The following INTS1 variants were observed in gnomAD, a reference collection of about 807,000 sequenced individuals.
The protein encoded by INTS1 is integrator complex subunit 1.
A neutral mutation model predicts 241.6 loss-of-function variants in INTS1; 137 were observed. The ratio of observed to expected loss-of-function variants is 0.57; its 90% CI spans 0.49 to 0.65. The LOEUF is 0.65. Among genes scored for constraint, INTS1 ranks in the 30% least tolerant of loss-of-function variants. INTS1 has a pLI of 0.00. For synonymous variants in INTS1, 1,692 were observed against 1,337.8 expected (o/e 1.26, Z -5.78); for missense variants, 3,073 against 3,032.2 (o/e 1.01, Z -0.32).
chr7:1,492,624 C>T (rs1583142866), intron 16 of INTS1, among the ~76,000 whole-genome samples: 1 of 151,880 alleles, frequency 6.6e-6, no homozygotes, highest in Non-Finnish European at 1.5e-5. Context: ...AGCATAAACT[C>T]GTTGTGTAAA....
In INTS1 at chr7:1,502,916, C is replaced by G; in HGVS notation, c.334G>C (p.Val112Leu). The stretch of plus-strand genomic sequence containing the variant: ...GACTCATTACCTTCAATTGGCACCA[C>G]AGATGGCTCTTTAATCGACGGAGAA... Reference protein sequence around the residue: ...AISPSIKEPSVVPIEVLPTVL... With the variant: ...AISPSIKEPSLVPIEVLPTVL... The change falls in exon 3 of 48, where the codon GTG becomes CTG. Residue 112 changes from valine (V) to leucine (L), a missense_variant. Val to Leu is a conservative substitution (Grantham distance 32). Coordinates refer to ENST00000404767, the MANE Select transcript of INTS1 (RefSeq NM_001080453.3). 1.9e-6 allele frequency: 3 copies of G among 1,613,884 alleles called. No individual in the cohort carries two copies. The highest frequency in any genetic ancestry group is 2.5e-6 in the Non-Finnish European group (3 of 1,179,884).
At position 1,471,119 on chromosome 7, in the gene INTS1, G is replaced by T; in HGVS notation, c.6347+14C>A. 6.4e-7 allele frequency: 1 copy of T among 1,554,210 alleles called. No homozygotes were observed. Among genetic ancestry groups the T allele is most frequent in the Non-Finnish European group, 8.7e-7 (1 of 1,149,308 alleles). ...CAGCGGTGGCGGCGGGACAGAGGCC[G>T]GCGGTGGCCTCACCTGGGGCTGTTC... On this transcript the variant is annotated intron_variant, in intron 46 of 47. Coordinates refer to ENST00000404767, the MANE Select transcript of INTS1 (RefSeq NM_001080453.3).
intron 35 of INTS1, 99 bp downstream of exon 35, chr7:1,477,451 C>A: frequency 7.2e-7 from 1 of 1,379,872 alleles, no homozygotes; most frequent in Non-Finnish European, 9.6e-7. Context: ...GGTGCTGGGG[C>A]CCCTGCAAGG....
In INTS1 at chr7:1,504,224, GC is replaced by G. The variant is rs1435262307; in HGVS notation, c.-42+98del. The stretch of plus-strand genomic sequence containing the variant: ...CGACGCGGACGCCGGGCTGGAGGCG[GC>G]AGAACCAGAAGGGACGGCCCAGAGG... On this transcript the variant is annotated intron_variant, in intron 1 of 47. Transcript: ENST00000404767. 2.1e-4 allele frequency: 110 copies of G among 535,572 alleles called. No homozygotes were observed. In the East Asian group the frequency reaches 4.0e-3, roughly 20 times the overall value. The allele number at this position is 535,572 out of a possible 1,614,324, so 33.2% of individuals were successfully genotyped here.
In INTS1 at chr7:1,479,825, G is replaced by A. The variant is rs957213741; in HGVS notation, c.4075-141C>T. ...GTTCATTCGTAGCCCCCACCTTGTG[G>A]CCTGAGGGGCCCAGGGCCCTTGAGA... On this transcript the variant is annotated intron_variant, in intron 30 of 47. Coordinates refer to ENST00000404767, the MANE Select transcript of INTS1 (RefSeq NM_001080453.3). 8 of 946,478 alleles carry A rather than the reference G, an allele frequency of 8.5e-6. 1 individual carries two copies. In the East Asian group the frequency reaches 2.0e-4, roughly 24 times the overall value. 58.6% of individuals were successfully genotyped at this position (946,478 alleles called of 1,614,324 possible). A position where few individuals can be genotyped will look rare whatever the true frequency, so the allele number is the denominator to read the frequency against.
rs545766562 is a variant in INTS1 at position 1,481,788 on chromosome 7, C to T, written c.3704-300G>A. On this transcript the variant is annotated intron_variant, in intron 27 of 47. Coordinates refer to ENST00000404767, the MANE Select transcript of INTS1 (RefSeq NM_001080453.3). The surrounding 1 kb of genome is among the most constrained non-coding windows in gnomAD (Gnocchi z 6.8). ...CAGCCCCACCTGAGACCCTGGGCCA[C>T]GTGGGCTCGGTGACCCCACCCGAGA... Among the ~76,000 whole-genome samples, 193 of 149,968 alleles carry T rather than the reference C, an allele frequency of 1.3e-3. No individual in the cohort carries two copies. The highest frequency in any genetic ancestry group is 2.1e-3 in the Non-Finnish European group (144 of 67,312).
Position 1,485,100 on chromosome 7 carries a change from G to A in INTS1, c.3259C>T (p.Leu1087=). The A allele has an allele frequency of 1.3e-6, 2 of 1,597,204 alleles. No individual in the cohort carries two copies. Among genetic ancestry groups the A allele is most frequent in the South Asian group, 1.1e-5 (1 of 90,634 alleles). The change falls in exon 24 of 48, where the codon CTG becomes TTG. Residue 1087 remains leucine, a splice_region_variant and synonymous_variant. Transcript: ENST00000404767. Reference sequence around the variant, plus strand: ...GCTGGCTGACCCTGCTGCCTCACCAGGGCCAGGTCGCTGTGCTGGGCCTGC... The same window carrying A: ...GCTGGCTGACCCTGCTGCCTCACCAAGGCCAGGTCGCTGTGCTGGGCCTGC... ...EEQAQHSDLA[L]DVARLVVERS...
chr7:1,490,932 G>A (rs1333887872), intron 16 of INTS1, among the ~76,000 whole-genome samples: 2 of 152,206 alleles, frequency 1.3e-5, no homozygotes, highest in Non-Finnish European at 2.9e-5. Context: ...GAGTCCAGAG[G>A]TCAACCCTCA....
chr7:1,502,369 G>C (rs527379768), intron 3 of INTS1, among the ~76,000 whole-genome samples: 1 of 152,200 alleles, frequency 6.6e-6, no homozygotes, highest in East Asian at 1.9e-4. Context: ...ACAGTTAAAG[G>C]CATTTCTGCG....
At chr7:1,496,695 C>T (rs1782877388) in intron 11 of INTS1, among the ~76,000 whole-genome samples, 1 of 152,148 alleles carries the variant, frequency 6.6e-6, no homozygotes, top group Non-Finnish European at 1.5e-5. Flanking sequence ...CACAAAGCCC[C>T]GTCCGCAAAA....
At chr7:1,492,937 C>G in intron 16 of INTS1, 73 bp downstream of exon 16, 1 of 1,081,592 alleles carries the variant, frequency 9.2e-7, no homozygotes. Context: ...GGGGCGCGGG[C>G]TTACCCGGGT....
At position 1,482,586 on chromosome 7, in the gene INTS1, C is replaced by A. The variant is rs1253981150; in HGVS notation, c.3663G>T (p.Leu1221=). The A allele has an allele frequency of 6.8e-6, 11 of 1,612,832 alleles. No homozygotes were observed. Among genetic ancestry groups the A allele is most frequent in the Non-Finnish European group, 9.3e-6 (11 of 1,179,864 alleles). The change falls in exon 27 of 48, where the codon CTG becomes CTT. Residue 1221 remains leucine (L), a synonymous_variant. Transcript: ENST00000404767. ...GGAGCACCTCAGAACGGATCATGCG[C>A]AGCTTCAGCCAGTCAGGAAGCAGCA... ...EALLLPDWLK[L]RMIRSEVLRL...
chr7:1,495,741 GAC>G (rs1210160312), intron 12 of INTS1, among the ~76,000 whole-genome samples, 188 bp from the exon 13 acceptor site: 6 of 152,154 alleles, frequency 3.9e-5, no homozygotes, highest in African/African-American at 7.2e-5. Flanking sequence ...GTGCGTGGGT[GAC>G]TGGAATCCTC....
rs995048419 is a variant in INTS1, at chr7:1,478,390, C to T, written c.4606G>A (p.Val1536Met). ...CCTTTGCTGATCAGGTCCGGCTCCA[C>T]GCTGCACTGCTCCCCAGACCTCAGG... The part of the protein sequence containing the change: ...ATLRSGEQCS[V>M]EPDLISKVLQ... The change falls in exon 33 of 48, where the codon GTG becomes ATG. Residue 1536 changes from valine (V) to methionine (M), a missense_variant. By Grantham distance (21) the Val-to-Met change is conservative (BLOSUM62 1). Transcript: ENST00000404767. 9 of 1,612,720 alleles carry T rather than the reference C, an allele frequency of 5.6e-6. No homozygotes were observed. Among genetic ancestry groups the T allele is most frequent in the East Asian group, 2.2e-5 (1 of 44,874 alleles).
At chr7:1,503,469 G>A (rs951952731) in intron 2 of INTS1, among the ~76,000 whole-genome samples, 22 of 152,120 alleles carry the variant, frequency 1.4e-4, no homozygotes, top group African/African-American at 5.1e-4. Context: ...TCCGCAATAG[G>A]TGCTATTACT....
At chr7:1,478,611 G>A (rs1781848588) in intron 32 of INTS1, 105 bp from the exon 33 acceptor site, 6 of 1,497,516 alleles carry the variant, frequency 4.0e-6, no homozygotes, top group Non-Finnish European at 4.5e-6. Flanking sequence ...GGCCCACGCG[G>A]GTACCCACCC....
intron 40 of INTS1, 57 bp from the exon 41 acceptor site, chr7:1,474,417 T>C (rs1464688278): frequency 4.0e-6 from 6 of 1,496,970 alleles, no homozygotes; most frequent in Non-Finnish European, 5.3e-6. Context: ...CTGGCGCACG[T>C]CCCCAGGAAG....
At chr7:1,483,959 A>G in intron 25 of INTS1, 44 bp downstream of exon 25, 1 of 1,589,798 alleles carries the variant, frequency 6.3e-7, no homozygotes, top group Non-Finnish European at 8.6e-7. Flanking sequence ...ACCCAGCCGT[A>G]GACCTCCTCG....
intron 43 of INTS1, among the ~76,000 whole-genome samples, chr7:1,472,845 C>T (rs994744938): frequency 9.9e-5 from 3 of 30,314 alleles, no homozygotes; most frequent in South Asian, 9.2e-4. Flanking sequence ...GGCCATTTGC[C>T]GGGGCGGGGC....
Sources: allele counts gnomAD v4.1 joint callset (sites outside exome capture counted in the v4.1 genomes callset), GRCh38; gene constraint gnomAD v4.1.1; non-coding constraint Gnocchi (gnomAD v3.1); transcripts MANE v1.5; gene names NCBI Gene and HGNC (gene_info 2026-07-23, HGNC 2026-07-21).